The following APBA1 variants were observed in gnomAD, a reference collection of about 807,000 sequenced individuals.
APBA1 encodes the protein amyloid beta precursor protein binding family A member 1.
A neutral mutation model predicts 86.6 loss-of-function variants in APBA1; 55 were observed. That is an observed-to-expected ratio of 0.64 (90% CI 0.51 to 0.80). The LOEUF (loss-of-function observed/expected upper bound fraction) is 0.80. Among genes scored for constraint, APBA1 ranks in the 30% least tolerant of loss-of-function variants. The pLI is 0.00. For missense variants in APBA1, 1,090 were observed against 1,183.0 expected, an observed-to-expected ratio of 0.92 and a Z score of 1.15; for synonymous variants, 511 against 493.9, an observed-to-expected ratio of 1.03 and a Z score of -0.46.
intron 2 of APBA1, among the ~76,000 whole-genome samples, chr9:69,514,310 C>G (rs1359494743): frequency 6.6e-6 from 1 of 152,132 alleles, no homozygotes; most frequent in African/African-American, 2.4e-5. Context: ...AACTGCAGAG[C>G]CTGGGAGTGG....
At chr9:69,585,518 C>G (rs986154687) in intron 1 of APBA1, among the ~76,000 whole-genome samples, 1 of 152,168 alleles carries the variant, frequency 6.6e-6, no homozygotes, top group African/African-American at 2.4e-5. Flanking sequence ...GGCTTTGAGT[C>G]CCAGCTTCTG....
chr9:69,523,769 A>G (rs558816809), intron 1 of APBA1, among the ~76,000 whole-genome samples: 22 of 151,938 alleles, frequency 1.4e-4, no homozygotes, highest in African/African-American at 5.3e-4. Flanking sequence ...ACCACAGACT[A>G]TACATTCTTC....
chr9:69,523,883 A>T (rs1157727218), intron 1 of APBA1, among the ~76,000 whole-genome samples: 2 of 152,126 alleles, frequency 1.3e-5, no homozygotes, highest in Non-Finnish European at 2.9e-5. Context: ...CATACCAGCC[A>T]TATTCTTGGA....
chr9:69,602,368 A>C (rs908535330), intron 1 of APBA1, among the ~76,000 whole-genome samples: 1 of 151,992 alleles, frequency 6.6e-6, no homozygotes, highest in African/African-American at 2.4e-5. Context: ...TCAGGAGATC[A>C]AGACCATCCT....
intron 1 of APBA1, among the ~76,000 whole-genome samples, chr9:69,534,979 G>A (rs375068231): frequency 2.4e-4 from 37 of 151,760 alleles, no homozygotes; most frequent in Middle Eastern, 3.4e-3. Context: ...TTCTTTTTCC[G>A]TAAATGACAC....
intron 10 of APBA1, among the ~76,000 whole-genome samples, chr9:69,441,890 T>C (rs1834830029): frequency 6.6e-6 from 1 of 152,218 alleles, no homozygotes; most frequent in African/African-American, 2.4e-5. Flanking sequence ...TCAGAGACTA[T>C]GTAGAAAGCT....
chr9:69,645,329 G>T (rs1564101353), intron 1 of APBA1, among the ~76,000 whole-genome samples: 1 of 152,194 alleles, frequency 6.6e-6, no homozygotes, highest in Non-Finnish European at 1.5e-5. Flanking sequence ...TCTCTAACAT[G>T]ATTGAACAGG....
intron 1 of APBA1, among the ~76,000 whole-genome samples, chr9:69,629,312 C>T (rs1017171186): frequency 2.6e-5 from 4 of 152,158 alleles, no homozygotes; most frequent in South Asian, 2.1e-4. Flanking sequence ...AATGTTAACT[C>T]ATGCCTGATA....
rs939667399 is a variant in APBA1 at position 69,511,328 on chromosome 9, A to C, written c.1200+4683T>G. Among the ~76,000 whole-genome samples the C allele has an allele frequency of 8.9e-4, 136 of 152,366 alleles. 1 individual carries two copies. Among genetic ancestry groups the C allele is most frequent in the Non-Finnish European group, 1.2e-3 (84 of 68,038 alleles). On this transcript the variant is annotated intron_variant, in intron 2 of 12. Transcript: ENST00000265381. Reference sequence around the variant, plus strand: ...CCAAAAAACACATGAAAAAATGCTCATCATCACTGGCCATCAGAGAAATGC... The same window carrying C: ...CCAAAAAACACATGAAAAAATGCTCCTCATCACTGGCCATCAGAGAAATGC...
At chr9:69,464,770 A>G (rs1437918673) in intron 5 of APBA1, 3 of 152,230 alleles carry the variant, frequency 2.0e-5, no homozygotes, top group Non-Finnish European at 4.4e-5. Flanking sequence ...CTTTACGTTC[A>G]AGTGATGTGC....
intron 1 of APBA1, among the ~76,000 whole-genome samples, chr9:69,611,298 A>AAC (rs1822583463): frequency 7.0e-6 from 1 of 142,864 alleles, no homozygotes. Flanking sequence ...AAAAAAAAAA[A>AAC]AAAAAACAAA....
At chr9:69,436,258 G>T (rs1834717487) in intron 11 of APBA1, among the ~76,000 whole-genome samples, 1 of 149,950 alleles carries the variant, frequency 6.7e-6, no homozygotes, top group African/African-American at 2.5e-5. Context: ...ACTTGGCAAT[G>T]TGGGCTCTTT....
intron 1 of APBA1, among the ~76,000 whole-genome samples, chr9:69,589,028 C>A (rs1822076698): frequency 1.3e-5 from 2 of 152,192 alleles, no homozygotes; most frequent in African/African-American, 4.8e-5. Context: ...AATCTCAGCT[C>A]ACTGCAACCT....
rs116245955 is a variant in APBA1 at position 69,593,529 on chromosome 9, C to A, written c.-69-76250G>T. 7.0e-3 allele frequency among the ~76,000 whole-genome samples: 1,066 copies of A among 152,262 alleles called. 9 individuals carry two copies. The highest frequency in any genetic ancestry group is 0.024 in the African/African-American group (1,001 of 41,536). Reference sequence around the variant, plus strand: ...GAAGAAGACCCTGAGGGAGTGAGAGCTGAGGTTCATCTGTAAGCAGAAAAC... The same window carrying A: ...GAAGAAGACCCTGAGGGAGTGAGAGATGAGGTTCATCTGTAAGCAGAAAAC... On this transcript the variant is annotated intron_variant, in intron 1 of 12. Transcript: ENST00000265381.
chr9:69,535,031 C>T (rs2133910961), intron 1 of APBA1, among the ~76,000 whole-genome samples: 1 of 152,276 alleles, frequency 6.6e-6, no homozygotes, highest in Non-Finnish European at 1.5e-5. Context: ...TTCTACCTCC[C>T]ACCTGCTGTC....
chr9:69,625,934 C>A (rs1822919871), intron 1 of APBA1, among the ~76,000 whole-genome samples: 1 of 152,096 alleles, frequency 6.6e-6, no homozygotes, highest in African/African-American at 2.4e-5. Context: ...CAGTGCTACC[C>A]TGATGGTCCA....
At chr9:69,616,334 C>G (rs893582818) in intron 1 of APBA1, among the ~76,000 whole-genome samples, 2 of 152,162 alleles carry the variant, frequency 1.3e-5, no homozygotes, top group African/African-American at 4.8e-5. Flanking sequence ...AAGTTGAGAT[C>G]CATATATACA....
intron 1 of APBA1, among the ~76,000 whole-genome samples, chr9:69,533,532 C>T (rs569418877): frequency 4.3e-4 from 65 of 152,232 alleles, no homozygotes; most frequent in African/African-American, 1.5e-3. Flanking sequence ...TGTTCAGCTG[C>T]TGAAGGAATT....
At chr9:69,613,279 A>T (rs1482973174) in intron 1 of APBA1, among the ~76,000 whole-genome samples, 1 of 152,160 alleles carries the variant, frequency 6.6e-6, no homozygotes, top group Admixed American at 6.6e-5. Context: ...TTGATTTTTA[A>T]TTCTGAAATC....
Sources: allele counts gnomAD v4.1 joint callset (sites outside exome capture counted in the v4.1 genomes callset), GRCh38; gene constraint gnomAD v4.1.1; transcripts MANE v1.5; gene names NCBI Gene and HGNC (gene_info 2026-07-23, HGNC 2026-07-21).